RBAK: variants seen among roughly 807,000 people sequenced by gnomAD.
The protein encoded by RBAK is RB-associated KRAB zinc finger protein.
RBAK carries 39 observed loss-of-function variants against 65.8 expected under a neutral mutation model. The ratio of observed to expected loss-of-function variants is 0.59; its 90% CI spans 0.46 to 0.77. RBAK has a LOEUF of 0.77. Ranked by LOEUF, RBAK falls within the 30% of genes least tolerant of loss-of-function variation. RBAK has a pLI of 0.00. For missense variants in RBAK, 884 were observed against 855.1 expected (o/e 1.03, Z -0.42); for synonymous variants, 343 against 289.7 (o/e 1.18, Z -1.87).
chr7:5,057,878 C>A (rs1023235037), intron 4 of RBAK, 99 bp downstream of exon 4: 2 of 1,191,648 alleles, frequency 1.7e-6, no homozygotes, highest in Middle Eastern at 2.0e-4. Context: ...TCAGTAACAC[C>A]TCCCAACCCC....
At chr7:5,046,573 A>C (rs1787990230) in intron 1 of RBAK, among the ~76,000 whole-genome samples, 177 bp downstream of exon 1, 1 of 152,126 alleles carries the variant, frequency 6.6e-6, no homozygotes, top group African/African-American at 2.4e-5. Flanking sequence ...GAAATCTGGG[A>C]GGACGAGGCT....
In RBAK at chr7:5,064,644, G is replaced by A. The variant is rs12674330; in HGVS notation, c.1188G>A (p.Thr396=). The change falls in exon 5 of 5, where the codon ACG becomes ACA. Residue 396 remains threonine, a synonymous_variant. Coordinates refer to ENST00000396912, the MANE Select transcript of RBAK (RefSeq NM_021163.4). The surrounding 1 kb of genome is among the most constrained non-coding windows in gnomAD (Gnocchi z 6.3). The part of the protein sequence containing the change: ...SALSDHQRTH[T]GEKLYKCNEC... The stretch of plus-strand genomic sequence containing the variant: ...TCAGTGACCATCAGAGAACTCACAC[G>A]GGAGAGAAGCTTTATAAATGTAATG... 0.13 allele frequency: 214,997 copies of A among 1,613,452 alleles called. 17,257 individuals are homozygous for A. The highest frequency in any genetic ancestry group is 0.39 in the East Asian group (17,322 of 44,842).
Position 5,064,396 on chromosome 7 carries a change from G to A in RBAK, c.940G>A (p.Glu314Lys). 1 of 1,613,994 alleles carries A rather than the reference G, an allele frequency of 6.2e-7. No individual in the cohort carries two copies. The highest frequency in any genetic ancestry group is 8.5e-7 in the Non-Finnish European group (1 of 1,179,974). Residue 314 changes from glutamate to lysine, a missense_variant, in exon 5 of 5, where the codon GAG becomes AAG. By Grantham distance (56) the Glu-to-Lys change is moderately conservative. Coordinates refer to ENST00000396912, the MANE Select transcript of RBAK (RefSeq NM_021163.4). This position sits in a 1 kb window ranked among gnomAD's most constrained non-coding sequence, Gnocchi z 6.3. ...LTVHRRSHLE[E>K]KPYKCNECGK... ...TGTACATCGGAGATCACACTTAGAG[G>A]AGAAGCCCTATAAATGTAATGAATG...
In RBAK at chr7:5,048,424, T is replaced by G. The variant is rs1187128692; in HGVS notation, c.15+333T>G. ...CCTGACCTCAGGTGATCCTCCTGCC[T>G]CAGCCTCCCAAAGTGCTGGGATTAC... On this transcript the variant is annotated intron_variant, in intron 2 of 4. Transcript: ENST00000396912. This position sits in a 1 kb window ranked among gnomAD's most constrained non-coding sequence, Gnocchi z 4.4. 6.6e-6 allele frequency among the ~76,000 whole-genome samples: 1 copy of G among 152,220 alleles called. No individual in the cohort carries two copies. Among genetic ancestry groups the G allele is most frequent in the Non-Finnish European group, 1.5e-5 (1 of 68,042 alleles).
In RBAK at chr7:5,046,077, G is replaced by T; in HGVS notation, c.-364G>T. On this transcript the variant is annotated 5_prime_UTR_variant, in exon 1 of 5. Coordinates refer to ENST00000396912, the MANE Select transcript of RBAK (RefSeq NM_021163.4). The stretch of plus-strand genomic sequence containing the variant: ...CTTGAGCCCCGGAGCCGGCGGCGCT[G>T]GGGCCAGAGGGGCCGGACGGGAGGT... 1 of 288,106 alleles carries T rather than the reference G, an allele frequency of 3.5e-6. No individual in the cohort carries two copies. The highest frequency in any genetic ancestry group is 2.7e-5 in the South Asian group (1 of 37,030). The allele number at this position is 288,106 out of a possible 1,614,324, so 17.8% of individuals were successfully genotyped here. A position where few individuals can be genotyped will look rare whatever the true frequency, so the allele number is the denominator to read the frequency against.
chr7:5,063,161 A>G (rs550344376), intron 4 of RBAK, among the ~76,000 whole-genome samples: 2 of 152,350 alleles, frequency 1.3e-5, no homozygotes, highest in South Asian at 4.1e-4. Flanking sequence ...AAAGACAGGC[A>G]TAAGAAATTA....
In RBAK at chr7:5,060,211, A is replaced by G. The variant is rs187706767; in HGVS notation, c.238+2432A>G. ...ATAATGCAACATACAGTAGGCATTC[A>G]GTAGGTTTTTATTGACTTACCAAGG... On this transcript the variant is annotated intron_variant, in intron 4 of 4. Coordinates refer to ENST00000396912, the MANE Select transcript of RBAK (RefSeq NM_021163.4). Among the ~76,000 whole-genome samples the G allele has an allele frequency of 7.9e-5, 12 of 152,320 alleles. No individual in the cohort carries two copies. The East Asian group carries it at 1.2e-3, about 15-fold the overall frequency.
chr7:5,064,282 TTCA>T lies in RBAK; in HGVS notation c.832_834del (p.Ile278del). 1.2e-6 allele frequency: 2 copies of T among 1,614,116 alleles called. No homozygotes were observed. The highest frequency in any genetic ancestry group is 1.7e-6 in the Non-Finnish European group (2 of 1,180,008). ...AAAATCCTTCTGTAAAAAGTCAAAA[TTCA>T]TCATCCACCAGAGGGCTCACACAGG... On this transcript the variant is annotated inframe_deletion, in exon 5 of 5. Coordinates refer to ENST00000396912, the MANE Select transcript of RBAK (RefSeq NM_021163.4). The surrounding 1 kb of genome is among the most constrained non-coding windows in gnomAD (Gnocchi z 6.3).
chr7:5,060,683 C>T (rs1202333469), intron 4 of RBAK, among the ~76,000 whole-genome samples: 1 of 152,214 alleles, frequency 6.6e-6, no homozygotes, highest in African/African-American at 2.4e-5. Flanking sequence ...TGAGAATAAG[C>T]AAGGCATAGC....
chr7:5,064,542 G>A lies in RBAK; in HGVS notation c.1086G>A (p.Leu362=), dbSNP rs1219789081. 4 of 1,613,582 alleles carry A rather than the reference G, an allele frequency of 2.5e-6. No homozygotes were observed. In the African/African-American group the frequency reaches 5.3e-5, roughly 22 times the overall value. The change falls in exon 5 of 5, where the codon CTG becomes CTA. Residue 362 remains leucine, a synonymous_variant. Transcript: ENST00000396912. The surrounding 1 kb of genome is among the most constrained non-coding windows in gnomAD (Gnocchi z 6.3). ...TCTGCCAAAAGACACATCTCACCCT[G>A]CACCAGAGGAATCATTCAGGAGAGA... is the stretch of plus-strand genomic sequence containing the variant. ...KTFCQKTHLT[L]HQRNHSGERP...
chr7:5,047,568 G>C (rs1357448082), intron 1 of RBAK, among the ~76,000 whole-genome samples: 1 of 148,796 alleles, frequency 6.7e-6, no homozygotes, highest in African/African-American at 2.5e-5. Context: ...AAAGTTACAA[G>C]TGCATGCTTC....
rs140541664 is a variant in RBAK at position 5,054,329 on chromosome 7, C to T, written c.16-2966C>T. Among the ~76,000 whole-genome samples, 1,206 of 150,594 alleles carry T rather than the reference C, an allele frequency of 8.0e-3. 15 individuals are homozygous for T. Among genetic ancestry groups the T allele is most frequent in the African/African-American group, 0.028 (1,150 of 40,854 alleles). ...CTGAGGCAGGAGAATCGCTGGAACCCGGGAGACGGAGGTTGCAGTGAGCCA... is the reference window on the plus strand; with the variant it reads ...CTGAGGCAGGAGAATCGCTGGAACCTGGGAGACGGAGGTTGCAGTGAGCCA... On this transcript the variant is annotated intron_variant, in intron 2 of 4. Transcript: ENST00000396912.
Position 5,045,952 on chromosome 7 carries a change from G to T in RBAK, c.-489G>T. ...GGACGAGAATCGCGGAGCCTGCGGG[G>T]CTGGAGGTTGAGCGCCCGGGCCAGC... On this transcript the variant is annotated 5_prime_UTR_variant, in exon 1 of 5. Coordinates refer to ENST00000396912, the MANE Select transcript of RBAK (RefSeq NM_021163.4). 3.1e-6 allele frequency: 1 copy of T among 327,584 alleles called. No homozygotes were observed. The highest frequency in any genetic ancestry group is 4.8e-5 in the Admixed American group (1 of 20,704). The allele number at this position is 327,584 out of a possible 1,614,324, so 20.3% of individuals were successfully genotyped here.
chr7:5,050,771 G>GCTAT (rs1788099368), intron 2 of RBAK, among the ~76,000 whole-genome samples: 1 of 151,920 alleles, frequency 6.6e-6, no homozygotes, highest in African/African-American at 2.4e-5. Context: ...GACAGGTTTT[G>GCTAT]CTATGTTGCC....
Position 5,064,527 on chromosome 7 carries a change from GAC to G in RBAK, c.1075_1076del (p.His359SerfsTer17). On this transcript the variant is annotated frameshift_variant, in exon 5 of 5. Coordinates refer to ENST00000396912, the MANE Select transcript of RBAK (RefSeq NM_021163.4). LOFTEE classifies it high-confidence loss of function. This position sits in a 1 kb window ranked among gnomAD's most constrained non-coding sequence, Gnocchi z 6.3. ...AATGTGGGAAAACCTTCTGCCAAAA[GAC>G]ACATCTCACCCTGCACCAGAGGAAT... is the stretch of plus-strand genomic sequence containing the variant. ...SECGKTFCQK[T>X]HLTLHQRNHS... The G allele has an allele frequency of 6.2e-7, 1 of 1,613,692 alleles. No individual in the cohort carries two copies. The highest frequency in any genetic ancestry group is 8.5e-7 in the Non-Finnish European group (1 of 1,179,846).
At chr7:5,051,345 T>G in intron 2 of RBAK, among the ~76,000 whole-genome samples, 1 of 152,240 alleles carries the variant, frequency 6.6e-6, no homozygotes, top group East Asian at 1.9e-4. Context: ...TGTGTACATA[T>G]TTTTATATAT....
Position 5,064,457 on chromosome 7 carries a change from A to G in RBAK, c.1001A>G (p.Gln334Arg). The G allele has an allele frequency of 6.2e-7, 1 of 1,614,000 alleles. No homozygotes were observed. ...TTTTGTCAGAAGTTACACCTCACTC[A>G]ACACCTAAGAACTCATTCAGGAGAG... ...KTFCQKLHLT[Q>R]HLRTHSGEKP... is the part of the protein sequence containing the mutation. The change falls in exon 5 of 5, where the codon CAA (glutamine) becomes CGA (arginine). Residue 334 changes from glutamine to arginine, a missense_variant. Coordinates refer to ENST00000396912, the MANE Select transcript of RBAK (RefSeq NM_021163.4). The surrounding 1 kb of genome is among the most constrained non-coding windows in gnomAD (Gnocchi z 6.3).
At chr7:5,054,830 C>A (rs1431752731) in intron 2 of RBAK, among the ~76,000 whole-genome samples, 1 of 151,976 alleles carries the variant, frequency 6.6e-6, no homozygotes, top group Non-Finnish European at 1.5e-5. Context: ...TTATCTAGTT[C>A]CAGGAAAAAG....
chr7:5,049,002 A>G (rs1293657260), intron 2 of RBAK, among the ~76,000 whole-genome samples: 4 of 152,226 alleles, frequency 2.6e-5, no homozygotes, highest in Admixed American at 6.5e-5. Flanking sequence ...GGGGATTACA[A>G]TTGAACATGA....
Sources: gnomAD v4.1 joint callset for allele counts (sites outside exome capture counted in the v4.1 genomes callset) on GRCh38, gnomAD v4.1.1 for gene constraint, Gnocchi (gnomAD v3.1) non-coding constraint, MANE v1.5 for transcripts, NCBI Gene and HGNC (gene_info 2026-07-23, HGNC 2026-07-21) for gene names.